The following SLC8A1 variants were observed in gnomAD, a reference collection of about 807,000 sequenced individuals.
SLC8A1 encodes the protein solute carrier family 8 member A1.
A neutral mutation model predicts 68.3 loss-of-function variants in SLC8A1; 18 were observed. The observed-to-expected ratio is 0.26, with a 90% CI of 0.18 to 0.39. SLC8A1 has a LOEUF of 0.39. Among genes scored for constraint, SLC8A1 ranks in the 10% least tolerant of loss-of-function variants. The probability of loss-of-function intolerance (pLI) is 1.00; values close to 1 mark genes in which losing one functional copy is unlikely to be tolerated. For missense variants in SLC8A1, 985 were observed against 1,156.7 expected, an observed-to-expected ratio of 0.85 and a Z score of 2.15; for synonymous variants, 475 against 415.5, an observed-to-expected ratio of 1.14 and a Z score of -1.74.
intron 1 of SLC8A1, among the ~76,000 whole-genome samples, chr2:40,430,627 C>G (rs937538741): frequency 2.6e-5 from 4 of 152,136 alleles, no homozygotes; most frequent in Non-Finnish European, 5.9e-5. Flanking sequence ...TATAGCCTTG[C>G]CTTATTAAAC....
intron 2 of SLC8A1, among the ~76,000 whole-genome samples, chr2:40,300,437 T>TCCATTCCA (rs1203095707): frequency 6.6e-6 from 1 of 152,110 alleles, no homozygotes; most frequent in East Asian, 1.9e-4. Context: ...TCCAGAATGT[T>TCCATTCCA]CCATTCCATA....
exon 8 of SLC8A1, chr2:40,111,189 G>A (rs528120474): frequency 1.3e-5 from 2 of 152,290 alleles, no homozygotes; most frequent in South Asian, 4.1e-4. Context: ...ACTGGTTGAA[G>A]GATGGAATCA....
At chr2:40,463,705 G>A (rs1389386575) in intron 1 of SLC8A1, among the ~76,000 whole-genome samples, 5 of 152,014 alleles carry the variant, frequency 3.3e-5, no homozygotes, top group African/African-American at 1.2e-4. Context: ...CCACCAGATT[G>A]CTTTTCAGAT....
chr2:40,412,302 A>G (rs1692392509), intron 2 of SLC8A1, among the ~76,000 whole-genome samples: 1 of 152,176 alleles, frequency 6.6e-6, no homozygotes. Flanking sequence ...AGCTTACCTC[A>G]CATATAACTA....
chr2:40,451,897 A>ATCCT lies in SLC8A1; in HGVS notation c.-25+3_-25+6dup, dbSNP rs1320944678. 6.6e-6 allele frequency: 1 copy of ATCCT among 152,274 alleles called. No individual in the cohort carries two copies. The highest frequency in any genetic ancestry group is 1.5e-5 in the Non-Finnish European group (1 of 68,142). 9.4% of individuals were successfully genotyped at this position (152,274 alleles called of 1,614,324 possible). ...ATGCCTTCTGCCTGTCCATCATAAG[A>ATCCT]TCCTACCTGGTTTGGGGAGTGTGAA... On this transcript the variant is annotated splice_region_variant and intron_variant, in intron 1 of 7. Coordinates refer to ENST00000406785, the Ensembl canonical transcript of SLC8A1.
chr2:40,315,438 A>T (rs1030861911), intron 2 of SLC8A1, among the ~76,000 whole-genome samples: 8 of 138,412 alleles, frequency 5.8e-5, no homozygotes, highest in Non-Finnish European at 1.1e-4. Flanking sequence ...TTTCCTAAGA[A>T]TTTTTTTTTT....
intron 2 of SLC8A1, among the ~76,000 whole-genome samples, chr2:40,386,269 T>C (rs1198943049): frequency 6.6e-6 from 1 of 151,298 alleles, no homozygotes; most frequent in Non-Finnish European, 1.5e-5. Flanking sequence ...TTATTTTAGT[T>C]TAGATATTTT....
At chr2:40,320,415 T>C (rs984886646) in intron 2 of SLC8A1, among the ~76,000 whole-genome samples, 1 of 152,202 alleles carries the variant, frequency 6.6e-6, no homozygotes, top group East Asian at 1.9e-4. Context: ...CATTAGCTGA[T>C]GGACTTCTGA....
intron 2 of SLC8A1, among the ~76,000 whole-genome samples, chr2:40,299,989 T>G (rs1185831970): frequency 6.6e-6 from 1 of 152,086 alleles, no homozygotes; most frequent in Non-Finnish European, 1.5e-5. Flanking sequence ...GGAAAGGAAT[T>G]GCGCATACAG....
Position 40,133,660 on chromosome 2 carries a change from C to T in SLC8A1, c.2437+5741G>A, listed in dbSNP as rs139993008. Among the ~76,000 whole-genome samples, 397 of 151,252 alleles carry T rather than the reference C, an allele frequency of 2.6e-3. 3 individuals are homozygous for T. The highest frequency in any genetic ancestry group is 9.1e-3 in the African/African-American group (375 of 41,148). ...GCATCAGGCACAACCCCCACCAAGA[C>T]GCGCAGAGAAAGATGAAGGCAAGAC... On this transcript the variant is annotated intron_variant, in intron 7 of 7. Coordinates refer to ENST00000406785, the Ensembl canonical transcript of SLC8A1.
At chr2:40,272,276 A>G (rs1261404399) in intron 2 of SLC8A1, among the ~76,000 whole-genome samples, 1 of 152,200 alleles carries the variant, frequency 6.6e-6, no homozygotes, top group Non-Finnish European at 1.5e-5. Context: ...AGCTAGGTCC[A>G]TAATAGATCG....
chr2:40,151,859 T>A (rs941965138), intron 6 of SLC8A1, among the ~76,000 whole-genome samples: 55 of 152,318 alleles, frequency 3.6e-4, no homozygotes, highest in Non-Finnish European at 7.6e-4. Flanking sequence ...AAGTACTAGT[T>A]TTCAAATGTC....
chr2:40,288,091 T>C (rs1009986840), intron 2 of SLC8A1, among the ~76,000 whole-genome samples: 3 of 152,184 alleles, frequency 2.0e-5, no homozygotes, highest in African/African-American at 4.8e-5. Context: ...AAACCTTGCA[T>C]ACTGCTTCAG....
chr2:40,363,535 CATT>C (rs954685135), intron 2 of SLC8A1, among the ~76,000 whole-genome samples: 8 of 152,062 alleles, frequency 5.3e-5, no homozygotes, highest in Admixed American at 5.3e-4. Context: ...CAAAAGCTAT[CATT>C]ATTATTAAAT....
exon 8 of SLC8A1, chr2:40,114,966 A>C (rs901176234): frequency 5.3e-6 from 1 of 189,472 alleles, no homozygotes; most frequent in South Asian, 1.9e-4. Context: ...AAAACCAAAA[A>C]CAAAACAAAT....
At chr2:40,136,477 C>T (rs1472977830) in intron 7 of SLC8A1, among the ~76,000 whole-genome samples, 3 of 151,988 alleles carry the variant, frequency 2.0e-5, no homozygotes, top group Non-Finnish European at 2.9e-5. Context: ...TTTCAATGTC[C>T]GTCTGGCCTT....
At chr2:40,168,320 G>C (rs540618860) in intron 4 of SLC8A1, among the ~76,000 whole-genome samples, 1 of 152,204 alleles carries the variant, frequency 6.6e-6, no homozygotes, top group African/African-American at 2.4e-5. Flanking sequence ...GAAGATTGCC[G>C]CCCGGTGAAG....
chr2:40,297,249 A>T (rs2070566231), intron 2 of SLC8A1, among the ~76,000 whole-genome samples: 1 of 152,200 alleles, frequency 6.6e-6, no homozygotes, highest in Admixed American at 6.5e-5. Flanking sequence ...GTAATACATA[A>T]ATACATGTTC....
At chr2:40,394,217 CTA>C (rs1336435375) in intron 2 of SLC8A1, among the ~76,000 whole-genome samples, 1 of 152,092 alleles carries the variant, frequency 6.6e-6, no homozygotes, top group Non-Finnish European at 1.5e-5. Flanking sequence ...ACATTAAGAA[CTA>C]TGTGTCCAAC....
Sources: gnomAD v4.1 joint callset for allele counts (sites outside exome capture counted in the v4.1 genomes callset) on GRCh38, gnomAD v4.1.1 for gene constraint, MANE v1.5 for transcripts, NCBI Gene and HGNC (gene_info 2026-07-23, HGNC 2026-07-21) for gene names.